MAN1C1: variants seen among roughly 807,000 people sequenced by gnomAD.
MAN1C1 encodes the protein mannosidase alpha class 1C member 1.
Under a neutral mutation model 71.5 loss-of-function variants are expected in MAN1C1, and 49 were observed. That is an observed-to-expected ratio of 0.69 (90% confidence interval 0.54 to 0.87). The LOEUF is 0.87. Among genes scored for constraint, MAN1C1 ranks in the 40% least tolerant of loss-of-function variants. The probability of loss-of-function intolerance (pLI) is 0.00; values close to 1 mark genes in which losing one functional copy is unlikely to be tolerated. For synonymous variants in MAN1C1, 352 were observed against 343.7 expected, an observed-to-expected ratio of 1.02 and a Z score of -0.27; for missense variants, 743 against 835.0, an observed-to-expected ratio of 0.89 and a Z score of 1.36.
At chr1:25,681,328 G>T (rs2046150598) in intron 1 of MAN1C1, among the ~76,000 whole-genome samples, 1 of 152,188 alleles carries the variant, frequency 6.6e-6, no homozygotes, top group South Asian at 2.1e-4. Flanking sequence ...AGGAAACCAG[G>T]TGCAGGCTTC....
intron 1 of MAN1C1, among the ~76,000 whole-genome samples, chr1:25,654,073 A>C (rs1004559555): frequency 6.6e-6 from 1 of 152,140 alleles, no homozygotes; most frequent in Non-Finnish European, 1.5e-5. Context: ...TTGCACATTG[A>C]GACAAGTTTT....
chr1:25,716,938 G>A (rs1286433735), intron 2 of MAN1C1, among the ~76,000 whole-genome samples: 1 of 152,160 alleles, frequency 6.6e-6, no homozygotes, highest in Admixed American at 6.6e-5. Flanking sequence ...GTATTCTTGT[G>A]TCTGGTTCCT....
At chr1:25,693,611 A>T (rs1440062153) in intron 2 of MAN1C1, among the ~76,000 whole-genome samples, 4 of 152,216 alleles carry the variant, frequency 2.6e-5, no homozygotes, top group Non-Finnish European at 4.4e-5. Context: ...AGCTTGGGCG[A>T]CAGAATGAGA....
intron 2 of MAN1C1, among the ~76,000 whole-genome samples, chr1:25,706,189 T>C (rs2046519304): frequency 6.6e-6 from 1 of 152,182 alleles, no homozygotes; most frequent in Non-Finnish European, 1.5e-5. Flanking sequence ...TTGCTTCCTC[T>C]CTTCCAGCTC....
In MAN1C1 at chr1:25,634,882, A is replaced by C. The variant is rs146395864; in HGVS notation, c.540+16545A>C. On this transcript the variant is annotated intron_variant, in intron 1 of 11. Coordinates refer to ENST00000374332, the MANE Select transcript of MAN1C1 (RefSeq NM_020379.4). This position sits in a 1 kb window ranked among gnomAD's most constrained non-coding sequence, Gnocchi z 4.6. The stretch of plus-strand genomic sequence containing the variant: ...AAATCAAACTTGCATTTGATCTTCT[A>C]ATATTTTTGTTAAGGATTTTTGCAT... 6.6e-6 allele frequency among the ~76,000 whole-genome samples: 1 copy of C among 152,142 alleles called. No individual in the cohort carries two copies. Among genetic ancestry groups the C allele is most frequent in the Non-Finnish European group, 1.5e-5 (1 of 68,020 alleles).
intron 2 of MAN1C1, among the ~76,000 whole-genome samples, chr1:25,733,989 T>C (rs958431560): frequency 1.7e-4 from 26 of 151,838 alleles, no homozygotes; most frequent in African/African-American, 4.1e-4. Context: ...TTAGTAGAGA[T>C]GGGGTTTCAC....
In MAN1C1 at chr1:25,779,071, A is replaced by C. The variant is rs2047658972; in HGVS notation, c.1477+747A>C. The stretch of plus-strand genomic sequence containing the variant: ...CGTGCGCAAACTGCACCCCTCAGAA[A>C]AATCCCCAGCCCCCGTGTGGTCCCA... On this transcript the variant is annotated intron_variant, in intron 9 of 11. Transcript: ENST00000374332. This position sits in a 1 kb window ranked among gnomAD's most constrained non-coding sequence, Gnocchi z 4.6. 6.6e-6 allele frequency among the ~76,000 whole-genome samples: 1 copy of C among 152,058 alleles called. No homozygotes were observed. The highest frequency in any genetic ancestry group is 2.4e-5 in the African/African-American group (1 of 41,404).
At position 25,764,208 on chromosome 1, in the gene MAN1C1, G is replaced by A; in HGVS notation, c.1141+241G>A. ...CTGCTGTTTACTGAAGGCCTGCCCTGTGCGTTCCAAACCCTACCTTCTCTG... is the reference window on the plus strand; with the variant it reads ...CTGCTGTTTACTGAAGGCCTGCCCTATGCGTTCCAAACCCTACCTTCTCTG... On this transcript the variant is annotated intron_variant, in intron 7 of 11. Coordinates refer to ENST00000374332, the MANE Select transcript of MAN1C1 (RefSeq NM_020379.4). This position sits in a 1 kb window ranked among gnomAD's most constrained non-coding sequence, Gnocchi z 4.4. 6.6e-6 allele frequency among the ~76,000 whole-genome samples: 1 copy of A among 152,170 alleles called. No homozygotes were observed. The highest frequency in any genetic ancestry group is 1.9e-4 in the East Asian group (1 of 5,188).
intron 4 of MAN1C1, among the ~76,000 whole-genome samples, chr1:25,750,289 G>T (rs566732586): frequency 6.6e-6 from 1 of 152,226 alleles, no homozygotes; most frequent in East Asian, 1.9e-4. Flanking sequence ...CTTCATCCCC[G>T]CTCCCGAGCT....
At chr1:25,685,842 G>A (rs1359784294) in intron 1 of MAN1C1, among the ~76,000 whole-genome samples, 1 of 152,182 alleles carries the variant, frequency 6.6e-6, no homozygotes, top group Non-Finnish European at 1.5e-5. Context: ...GTGCATGGGA[G>A]GCCAGGGCAG....
At chr1:25,749,435 T>C in intron 4 of MAN1C1, 100 bp downstream of exon 4, 1 of 1,092,712 alleles carries the variant, frequency 9.2e-7, no homozygotes, top group Non-Finnish European at 1.3e-6. Context: ...AAAAGGGACT[T>C]AAGGGGGCAG....
chr1:25,688,060 T>C (rs2046259169), intron 2 of MAN1C1, among the ~76,000 whole-genome samples: 1 of 152,240 alleles, frequency 6.6e-6, no homozygotes, highest in Non-Finnish European at 1.5e-5. Flanking sequence ...ATAATTCATT[T>C]AACTATCTTG....
At position 25,779,445 on chromosome 1, in the gene MAN1C1, A is replaced by G. The variant is rs141247844; in HGVS notation, c.1477+1121A>G. ...AATGGGGTCTCCTGGAGCTGTTTCC[A>G]GGAAGTCAGAGATTCGCAATGGGTC... On this transcript the variant is annotated intron_variant, in intron 9 of 11. Transcript: ENST00000374332. The surrounding 1 kb of genome is among the most constrained non-coding windows in gnomAD (Gnocchi z 4.6). 1.0e-3 allele frequency among the ~76,000 whole-genome samples: 154 copies of G among 152,300 alleles called. No homozygotes were observed. Among genetic ancestry groups the G allele is most frequent in the African/African-American group, 3.5e-3 (146 of 41,574 alleles).
At position 25,634,739 on chromosome 1, in the gene MAN1C1, GAA is replaced by G. The variant is rs748321215; in HGVS notation, c.540+16403_540+16404del. The stretch of plus-strand genomic sequence containing the variant: ...GGAGGCTGGGGCACGAGAATTGCTT[GAA>G]CTAGGGAGGCGGAGGTTGCAGTAAG... On this transcript the variant is annotated intron_variant, in intron 1 of 11. Coordinates refer to ENST00000374332, the MANE Select transcript of MAN1C1 (RefSeq NM_020379.4). The surrounding 1 kb of genome is among the most constrained non-coding windows in gnomAD (Gnocchi z 4.6). Among the ~76,000 whole-genome samples, 7 of 152,038 alleles carry G rather than the reference GAA, an allele frequency of 4.6e-5. No individual in the cohort carries two copies. The highest frequency in any genetic ancestry group is 7.4e-5 in the Non-Finnish European group (5 of 68,012).
chr1:25,686,446 C>T lies in MAN1C1; in HGVS notation c.547C>T (p.Gln183Ter), dbSNP rs1221457001. Residue 183 changes from glutamine to a stop codon, truncating the protein, a stop_gained, in exon 2 of 12, where the codon CAG (glutamine) becomes TAG (stop). Transcript: ENST00000374332. LOFTEE classifies it high-confidence loss of function. ...ATGCTGCTTTTTCTTGCAGATGATGCAGTTTGCTTGGCAGAGCTATAAGCG... is the reference window on the plus strand; with the variant it reads ...ATGCTGCTTTTTCTTGCAGATGATGTAGTTTGCTTGGCAGAGCTATAAGCG... ...AQREKIKEMM[Q>*]FAWQSYKRYA... 1.2e-6 allele frequency: 2 copies of T among 1,613,778 alleles called. No homozygotes were observed. The highest frequency in any genetic ancestry group is 1.7e-6 in the Non-Finnish European group (2 of 1,179,800).
rs1437440761 is a variant in MAN1C1 at position 25,757,463 on chromosome 1, GA to G, written c.930-1126del. ...CTTGGTTGTCCTAAATATCCCACAG[GA>G]AAGATAATCATGATACATATGAGGA... On this transcript the variant is annotated intron_variant, in intron 5 of 11. Coordinates refer to ENST00000374332, the MANE Select transcript of MAN1C1 (RefSeq NM_020379.4). Among the ~76,000 whole-genome samples the G allele has an allele frequency of 3.3e-5, 5 of 150,860 alleles. No individual in the cohort carries two copies. In the South Asian group the frequency reaches 8.5e-4, roughly 26 times the overall value.
At chr1:25,689,818 G>A (rs940550134) in intron 2 of MAN1C1, among the ~76,000 whole-genome samples, 3 of 152,218 alleles carry the variant, frequency 2.0e-5, no homozygotes, top group African/African-American at 7.2e-5. Flanking sequence ...GCTGAGTAGG[G>A]TATACGAGGA....
intron 1 of MAN1C1, among the ~76,000 whole-genome samples, chr1:25,660,693 C>G (rs1011949959): frequency 1.3e-5 from 2 of 151,730 alleles, no homozygotes; most frequent in African/African-American, 4.8e-5. Context: ...CATGCCCGGC[C>G]TGAAACTCCA....
At position 25,746,707 on chromosome 1, in the gene MAN1C1, C is replaced by T; in HGVS notation, c.677C>T (p.Thr226Ile). 1 of 1,614,128 alleles carries T rather than the reference C, an allele frequency of 6.2e-7. No individual in the cohort carries two copies. Among genetic ancestry groups the T allele is most frequent in the Non-Finnish European group, 8.5e-7 (1 of 1,180,014 alleles). The change falls in exon 3 of 12, where the codon ACC (threonine) becomes ATC (isoleucine). Residue 226 changes from threonine (T) to isoleucine (I), a missense_variant. Coordinates refer to ENST00000374332, the MANE Select transcript of MAN1C1 (RefSeq NM_020379.4). This position sits in a 1 kb window ranked among gnomAD's most constrained non-coding sequence, Gnocchi z 4.0. ...SGATVIDSLD[T>I]LYLMELKEEF... ...GCAACAGTCATTGACTCCCTCGATA[C>T]CCTCTACCTCATGGAGCTGAAGGAG...
Sources: allele counts gnomAD v4.1 joint callset (sites outside exome capture counted in the v4.1 genomes callset), GRCh38; gene constraint gnomAD v4.1.1; non-coding constraint Gnocchi (gnomAD v3.1); transcripts MANE v1.5; gene names NCBI Gene and HGNC (gene_info 2026-07-23, HGNC 2026-07-21).